Variants in FGD3 observed in about 807,000 individuals in gnomAD.
FGD3 encodes FYVE, RhoGEF and PH domain-containing protein 3.
Under a neutral mutation model 71.8 loss-of-function variants are expected in FGD3, and 45 were observed. That is an observed-to-expected ratio of 0.63 (90% CI 0.49 to 0.80). FGD3 has a LOEUF of 0.80. FGD3 is among the 30% of genes least tolerant of loss of function. The pLI is 0.00. For synonymous variants in FGD3, 378 were observed against 392.8 expected (o/e 0.96, Z 0.44); for missense variants, 844 against 951.5 (o/e 0.89, Z 1.49).
chr9:93,020,465 C>T (rs376439025), intron 13 of FGD3, 41 bp downstream of exon 13: 94 of 1,558,956 alleles, frequency 6.0e-5, no homozygotes, highest in Middle Eastern at 5.0e-4. Flanking sequence ...CTCCAGGGGA[C>T]GGGCTACCTG....
chr9:92,982,184 CT>C lies in FGD3; in HGVS notation c.453+5477del, dbSNP rs1394733583. ...CTAGTATTCTCTGCTGTACTTTTTACTTCTGTGAGATCAACTTTTTTTAGCT... is the reference window on the plus strand; with the variant it reads ...CTAGTATTCTCTGCTGTACTTTTTACTCTGTGAGATCAACTTTTTTTAGCT... On this transcript the variant is annotated intron_variant, in intron 3 of 17. Transcript: ENST00000375482. Among the ~76,000 whole-genome samples, 6 of 152,310 alleles carry C rather than the reference CT, an allele frequency of 3.9e-5. No homozygotes were observed. In the East Asian group the frequency reaches 9.6e-4, roughly 24 times the overall value.
intron 10 of FGD3, among the ~76,000 whole-genome samples, chr9:93,017,864 G>T (rs904386532): frequency 2.6e-5 from 4 of 152,262 alleles, no homozygotes; most frequent in South Asian, 2.1e-4. Context: ...TGGGTGTCGG[G>T]GGGGTGGGTT....
chr9:92,984,351 C>T (rs1587830721), intron 3 of FGD3, among the ~76,000 whole-genome samples: 2 of 152,142 alleles, frequency 1.3e-5, no homozygotes, highest in East Asian at 3.9e-4. Flanking sequence ...CCTTCCTTAC[C>T]AACAATACCT....
chr9:92,975,876 T>C (rs1213546881), intron 2 of FGD3, among the ~76,000 whole-genome samples: 1 of 152,216 alleles, frequency 6.6e-6, no homozygotes, highest in Non-Finnish European at 1.5e-5. Flanking sequence ...AGCCACTGTG[T>C]TCCTTTTGGT....
At chr9:92,991,414 T>C (rs1024033967) in intron 3 of FGD3, among the ~76,000 whole-genome samples, 1 of 152,320 alleles carries the variant, frequency 6.6e-6, no homozygotes, top group African/African-American at 2.4e-5. Context: ...CTTCATCCAT[T>C]CATCATTCAG....
intron 10 of FGD3, among the ~76,000 whole-genome samples, chr9:93,016,601 G>T (rs549504228): frequency 2.6e-3 from 389 of 151,882 alleles, no homozygotes; most frequent in Non-Finnish European, 3.0e-3. Flanking sequence ...CTCCCAAAGT[G>T]CTGGGATTAC....
rs962744419 is a variant in FGD3, at chr9:93,003,462, C to G, written c.543+448C>G. Among the ~76,000 whole-genome samples the G allele has an allele frequency of 2.0e-5, 3 of 151,688 alleles. No homozygotes were observed. Among genetic ancestry groups the G allele is most frequent in the African/African-American group, 7.2e-5 (3 of 41,434 alleles). ...TATTTTTTGTTTTCAGTGCTTGTAGCTCTGAGGAGAAGGCTTTGCCAAGTC... is the reference window on the plus strand; with the variant it reads ...TATTTTTTGTTTTCAGTGCTTGTAGGTCTGAGGAGAAGGCTTTGCCAAGTC... On this transcript the variant is annotated intron_variant, in intron 4 of 17. Coordinates refer to ENST00000375482, the MANE Select transcript of FGD3 (RefSeq NM_001083536.2). This position sits in a 1 kb window ranked among gnomAD's most constrained non-coding sequence, Gnocchi z 4.1.
chr9:92,974,593 G>T (rs1295222284), intron 1 of FGD3: 1 of 152,326 alleles, frequency 6.6e-6, no homozygotes, highest in Non-Finnish European at 1.5e-5. Flanking sequence ...CTGCCCAGAG[G>T]CACACCTGCC....
chr9:93,018,481 G>T (rs971490615), intron 11 of FGD3, among the ~76,000 whole-genome samples: 2 of 152,140 alleles, frequency 1.3e-5, no homozygotes, highest in African/African-American at 4.8e-5. Flanking sequence ...AAAACTAGGG[G>T]CATACACAGC....
At chr9:93,012,665 AGC>A (rs1861462560) in intron 8 of FGD3, among the ~76,000 whole-genome samples, 2 of 115,676 alleles carry the variant, frequency 1.7e-5, no homozygotes, top group Admixed American at 1.9e-4. Context: ...CACACCTGTG[AGC>A]CACCAGGTGT....
chr9:93,026,778 C>T (rs1401783768), intron 14 of FGD3, among the ~76,000 whole-genome samples: 1 of 152,224 alleles, frequency 6.6e-6, no homozygotes, highest in Non-Finnish European at 1.5e-5. Context: ...GCTCCTTCAG[C>T]CCCTGCTGCC....
At chr9:92,967,990 C>A (rs1859393370) in intron 1 of FGD3, among the ~76,000 whole-genome samples, 1 of 152,188 alleles carries the variant, frequency 6.6e-6, no homozygotes, top group Non-Finnish European at 1.5e-5. Context: ...GTAGGGAATG[C>A]TGCTATGTAT....
chr9:93,018,080 C>T lies in FGD3; in HGVS notation c.1276-56C>T. 8 of 1,515,462 alleles carry T rather than the reference C, an allele frequency of 5.3e-6. 1 individual carries two copies. The South Asian group carries it at 9.0e-5, about 17-fold the overall frequency. The allele number at this position is 1,515,462 out of a possible 1,614,324, so 93.9% of individuals were successfully genotyped here. A position where few individuals can be genotyped will look rare whatever the true frequency, so the allele number is the denominator to read the frequency against. On this transcript the variant is annotated intron_variant, in intron 10 of 17. Coordinates refer to ENST00000375482, the MANE Select transcript of FGD3 (RefSeq NM_001083536.2). ...CACTTCTAAGTCAGAAAACATGAGG[C>T]TGGAGCTAAAATGACCAGCTTGGGT...
intron 3 of FGD3, 58 bp from the exon 4 acceptor site, chr9:93,002,867 G>A: frequency 6.4e-7 from 1 of 1,565,838 alleles, no homozygotes; most frequent in Non-Finnish European, 8.8e-7. Flanking sequence ...CAGCCCGTTA[G>A]GTGCCGATTC....
At chr9:92,987,825 G>A (rs1436892321) in intron 3 of FGD3, among the ~76,000 whole-genome samples, 1 of 152,190 alleles carries the variant, frequency 6.6e-6, no homozygotes, top group Non-Finnish European at 1.5e-5. Flanking sequence ...TTCCTAGACG[G>A]TCATATACCA....
chr9:93,032,771 C>T lies in FGD3; in HGVS notation c.1683C>T (p.Val561=), dbSNP rs1862404762. The change falls in exon 16 of 18, where the codon GTC becomes GTT. Residue 561 remains valine (V), a splice_region_variant and synonymous_variant. Coordinates refer to ENST00000375482, the MANE Select transcript of FGD3 (RefSeq NM_001083536.2). ...RRHHCKLCGA[V]ICGKCSEFKA... ...CACACGTGCCCTCTGTTTGGCAGGT[C>T]ATCTGTGGGAAGTGCTCCGAGTTCA... 6.2e-7 allele frequency: 1 copy of T among 1,614,006 alleles called. No individual in the cohort carries two copies. The highest frequency in any genetic ancestry group is 1.7e-5 in the Admixed American group (1 of 60,012).
At chr9:92,982,477 T>C (rs1860032764) in intron 3 of FGD3, among the ~76,000 whole-genome samples, 1 of 152,214 alleles carries the variant, frequency 6.6e-6, no homozygotes, top group Admixed American at 6.5e-5. Flanking sequence ...ATATACTGAG[T>C]TCCCTTCCTT....
intron 1 of FGD3, among the ~76,000 whole-genome samples, chr9:92,951,626 G>A (rs1252800952): frequency 6.6e-6 from 1 of 152,238 alleles, no homozygotes; most frequent in African/African-American, 2.4e-5. Flanking sequence ...AGTGAGCTGT[G>A]ATTGTGCCAC....
At chr9:92,999,081 C>T (rs1333060844) in intron 3 of FGD3, among the ~76,000 whole-genome samples, 1 of 152,182 alleles carries the variant, frequency 6.6e-6, no homozygotes, top group Non-Finnish European at 1.5e-5. Flanking sequence ...GTGGAGTCTA[C>T]AGAGGCAGGC....
Sources: gnomAD v4.1 joint callset for allele counts (sites outside exome capture counted in the v4.1 genomes callset) on GRCh38, gnomAD v4.1.1 for gene constraint, Gnocchi (gnomAD v3.1) non-coding constraint, MANE v1.5 for transcripts, NCBI Gene and HGNC (gene_info 2026-07-23, HGNC 2026-07-21) for gene names.